ADGRE5: variants seen among roughly 807,000 people sequenced by gnomAD.
ADGRE5 encodes CD97 molecule.
ADGRE5 carries 72 observed loss-of-function variants against 100.3 expected under a neutral mutation model. That is an observed-to-expected ratio of 0.72 (90% CI 0.59 to 0.87). The LOEUF (loss-of-function observed/expected upper bound fraction) is 0.87. ADGRE5 is among the 40% of genes least tolerant of loss of function. The probability of loss-of-function intolerance (pLI) is 0.00; values close to 1 mark genes in which losing one functional copy is unlikely to be tolerated. For missense variants in ADGRE5, 959 were observed against 1,094.7 expected (o/e 0.88, Z 1.75); for synonymous variants, 439 against 447.8 (o/e 0.98, Z 0.25).
At chr19:14,392,003 C>T in intron 4 of ADGRE5, among the ~76,000 whole-genome samples, 1 of 150,366 alleles carries the variant, frequency 6.7e-6, no homozygotes, top group Non-Finnish European at 1.5e-5. Flanking sequence ...ACTCCAGAGG[C>T]TGAGGCAGGA....
chr19:14,402,633 T>C lies in ADGRE5; in HGVS notation c.1220T>C (p.Met407Thr). Residue 407 changes from methionine (M) to threonine (T), a missense_variant, in exon 12 of 20, where the codon ATG (methionine) becomes ACG (threonine). By Grantham distance (81) the Met-to-Thr change is moderately conservative. This residue lies in a region of ADGRE5 where 246 missense variants were observed against 242.2 expected (regional missense o/e 1.02). Coordinates refer to ENST00000242786, the MANE Select transcript of ADGRE5 (RefSeq NM_078481.4). The part of the protein sequence containing the change: ...AVAGILSIQN[M>T]TTLLANASLN... ...GCGGGCATCCTCTCCATCCAGAACA[T>C]GACGACATTGCTGGCCAATGCCTCC... 2 of 1,614,062 alleles carry C rather than the reference T, an allele frequency of 1.2e-6. No individual in the cohort carries two copies. Among genetic ancestry groups the C allele is most frequent in the Non-Finnish European group, 1.7e-6 (2 of 1,180,002 alleles).
In ADGRE5 at chr19:14,406,532, A is replaced by C; in HGVS notation, c.2023A>C (p.Ser675Arg). The C allele has an allele frequency of 6.3e-7, 1 of 1,577,126 alleles. No homozygotes were observed. Among genetic ancestry groups the C allele is most frequent in the South Asian group, 1.1e-5 (1 of 88,036 alleles). The change falls in exon 15 of 20, where the codon AGC becomes CGC. Residue 675 changes from serine (S) to arginine (R), a missense_variant. Ser to Arg is a moderately radical substitution (Grantham distance 110). This residue lies in a region of ADGRE5 where 428 missense variants were observed against 386.2 expected (regional missense o/e 1.11). Transcript: ENST00000242786. The surrounding 1 kb of genome is among the most constrained non-coding windows in gnomAD (Gnocchi z 6.0). ...CGTGGGCGTCTCGGCTGCCATCTAC[A>C]GCAAGGGCTACGGCCGCCCCAGATA... ...LIVGVSAAIYSKGYGRPRYCW... is the reference protein window; with the variant it reads ...LIVGVSAAIYRKGYGRPRYCW...
intron 12 of ADGRE5, among the ~76,000 whole-genome samples, chr19:14,403,630 A>G (rs1429200607): frequency 6.6e-6 from 1 of 151,916 alleles, no homozygotes; most frequent in Non-Finnish European, 1.5e-5. Flanking sequence ...CTGGGACTAT[A>G]AGCGTGCACT....
chr19:14,404,260 C>T (rs1223568652), intron 12 of ADGRE5, 123 bp from the exon 13 acceptor site: 4 of 848,102 alleles, frequency 4.7e-6, no homozygotes, highest in Non-Finnish European at 7.3e-6. Flanking sequence ...AAACCTGTTA[C>T]ATTCAGTAGG....
At chr19:14,394,634 A>C (rs1300462602) in intron 4 of ADGRE5, among the ~76,000 whole-genome samples, 2 of 152,144 alleles carry the variant, frequency 1.3e-5, no homozygotes, top group African/African-American at 4.8e-5. Context: ...GGCGCATTCC[A>C]GTACAGTATC....
At position 14,408,210 on chromosome 19, in the gene ADGRE5, C is replaced by A; in HGVS notation, c.*89C>A. 1 of 1,390,924 alleles carries A rather than the reference C, an allele frequency of 7.2e-7. No homozygotes were observed. Among genetic ancestry groups the A allele is most frequent in the African/African-American group, 1.4e-5 (1 of 70,554 alleles). 86.2% of individuals were successfully genotyped at this position (1,390,924 alleles called of 1,614,324 possible). A position where few individuals can be genotyped will look rare whatever the true frequency, so the allele number is the denominator to read the frequency against. On this transcript the variant is annotated 3_prime_UTR_variant, in exon 20 of 20. Coordinates refer to ENST00000242786, the MANE Select transcript of ADGRE5 (RefSeq NM_078481.4). ...ATCCATCCTCCCTTCGTCCACCACT[C>A]TACTCCCTCCACCCTCCCTCCCTGA...
At chr19:14,399,739 T>C (rs1975937087) in intron 9 of ADGRE5, among the ~76,000 whole-genome samples, 1 of 138,200 alleles carries the variant, frequency 7.2e-6, no homozygotes, top group Non-Finnish European at 1.5e-5. Flanking sequence ...TAAGATTTTG[T>C]CTTAAAAAAA....
At chr19:14,400,690 G>A (rs934903036) in intron 9 of ADGRE5, among the ~76,000 whole-genome samples, 13 of 152,030 alleles carry the variant, frequency 8.6e-5, no homozygotes, top group African/African-American at 3.1e-4. Flanking sequence ...TACTAGGGAG[G>A]CTGAGGCGGG....
rs5827226 is a variant in ADGRE5 at position 14,395,301 on chromosome 19, C to CA, written c.347-1023dup. Reference sequence around the variant, plus strand: ...GGGCAACAGAGAGAGACGCTGTCTCCAAAAAAAAAAAAAAAAAACAAAAAC... The same window carrying CA: ...GGGCAACAGAGAGAGACGCTGTCTCCAAAAAAAAAAAAAAAAAAACAAAAAC... On this transcript the variant is annotated intron_variant, in intron 4 of 19. Transcript: ENST00000242786. Among the ~76,000 whole-genome samples the CA allele has an allele frequency of 1.3e-3, 173 of 135,608 alleles. 3 individuals carry two copies. Among genetic ancestry groups the CA allele is most frequent in the South Asian group, 3.4e-3 (15 of 4,440 alleles). The allele number at this position is 135,608 out of a possible 152,430, so 89.0% of individuals were successfully genotyped here.
At chr19:14,385,478 T>C (rs950494034) in intron 1 of ADGRE5, among the ~76,000 whole-genome samples, 4 of 152,082 alleles carry the variant, frequency 2.6e-5, no homozygotes, top group African/African-American at 7.2e-5. Context: ...AGCAAGGAGA[T>C]CCCTAGGTCC....
intron 11 of ADGRE5, 93 bp from the exon 12 acceptor site, chr19:14,402,504 A>G (rs1324582703): frequency 1.5e-6 from 2 of 1,320,472 alleles, no homozygotes; most frequent in Admixed American, 1.8e-5. Flanking sequence ...ATCGTGGTGG[A>G]CTGGCTGAGC....
At chr19:14,403,816 A>G (rs1976106482) in intron 12 of ADGRE5, among the ~76,000 whole-genome samples, 2 of 144,006 alleles carry the variant, frequency 1.4e-5, no homozygotes, top group South Asian at 4.3e-4. Flanking sequence ...CTAATGCACT[A>G]TCTACATTAC....
intron 18 of ADGRE5, 79 bp downstream of exon 18, chr19:14,407,308 C>T: frequency 6.5e-7 from 1 of 1,529,650 alleles, no homozygotes; most frequent in Non-Finnish European, 9.0e-7. Flanking sequence ...ATTGCTTGAG[C>T]CCAGAAGTTG....
chr19:14,393,153 A>G (rs970992292), intron 4 of ADGRE5, among the ~76,000 whole-genome samples: 1 of 151,554 alleles, frequency 6.6e-6, no homozygotes, highest in African/African-American at 2.4e-5. Context: ...GTGAGCCGAT[A>G]TTGCGCCACT....
At chr19:14,402,485 C>G in intron 11 of ADGRE5, 112 bp from the exon 12 acceptor site, 1 of 1,062,172 alleles carries the variant, frequency 9.4e-7, no homozygotes, top group Non-Finnish European at 1.4e-6. Flanking sequence ...GGGAGGGGCT[C>G]CTGGCGTCAT....
chr19:14,402,581 TG>T lies in ADGRE5; in HGVS notation c.1184-15del. The T allele has an allele frequency of 6.2e-7, 1 of 1,613,368 alleles. No individual in the cohort carries two copies. Among genetic ancestry groups the T allele is most frequent in the East Asian group, 2.2e-5 (1 of 44,868 alleles). On this transcript the variant is annotated splice_polypyrimidine_tract_variant and intron_variant, in intron 11 of 19. Transcript: ENST00000242786. ...GAGGACAACGGGAGTAGGCAGCGAG[TG>T]TGTCTGTTCCCCAGGCCCCGCCGTG... is the stretch of plus-strand genomic sequence containing the variant.
At chr19:14,382,201 A>T (rs1568304668) in intron 1 of ADGRE5, among the ~76,000 whole-genome samples, 1 of 152,202 alleles carries the variant, frequency 6.6e-6, no homozygotes. Flanking sequence ...CAACAAAGAG[A>T]GTGAAGAAAT....
chr19:14,382,586 G>A (rs2146340657), intron 1 of ADGRE5, among the ~76,000 whole-genome samples: 1 of 152,236 alleles, frequency 6.6e-6, no homozygotes, highest in South Asian at 2.1e-4. Context: ...GTGTTGGCTG[G>A]GCACAGTGGC....
At chr19:14,407,272 C>T (rs372509996) in intron 18 of ADGRE5, 43 bp downstream of exon 18, 7 of 1,605,046 alleles carry the variant, frequency 4.4e-6, no homozygotes, top group South Asian at 1.1e-5. Context: ...CATCCTCCCA[C>T]CTATTTGGGA....
Sources: gnomAD v4.1 joint callset for allele counts (sites outside exome capture counted in the v4.1 genomes callset) on GRCh38, gnomAD v4.1.1 for gene constraint, gnomAD v4.1.1 regional missense constraint, Gnocchi (gnomAD v3.1) non-coding constraint, MANE v1.5 for transcripts, NCBI Gene and HGNC (gene_info 2026-07-23, HGNC 2026-07-21) for gene names.